The following EYS variants were observed in gnomAD, a reference collection of about 807,000 sequenced individuals.
The protein encoded by EYS is EGF-like photoreceptor maintenance factor.
A neutral mutation model predicts 282.1 loss-of-function variants in EYS; 250 were observed. The ratio of observed to expected loss-of-function variants is 0.89; its 90% CI spans 0.80 to 0.98. The LOEUF is 0.98. EYS is among the 50% of genes least tolerant of loss of function. EYS has a pLI of 0.00. For synonymous variants in EYS, 1,355 were observed against 1,282.9 expected, an observed-to-expected ratio of 1.06 and a Z score of -1.20; for missense variants, 4,016 against 3,709.0, an observed-to-expected ratio of 1.08 and a Z score of -2.15.
chr6:64,584,341 C>T (rs1222767359), intron 26 of EYS, among the ~76,000 whole-genome samples: 1 of 151,588 alleles, frequency 6.6e-6, no homozygotes, highest in Non-Finnish European at 1.5e-5. Flanking sequence ...AAACAATTTT[C>T]CATGTCAGTA....
Position 63,778,018 on chromosome 6 carries a change from C to T in EYS, c.7886G>A (p.Gly2629Glu). Residue 2629 changes from glycine (G) to glutamate (E), a missense_variant, in exon 40 of 43, where the codon GGA (glycine) becomes GAA (glutamate). Transcript: ENST00000503581. ...CGNGGTCIES[G>E]TSVYCNCTTG... ...ACGTCATACTTACTAAACACTAGTT[C>T]CACTCTCTATGCATGTCCCACCATT... is the stretch of plus-strand genomic sequence containing the variant. 6.4e-7 allele frequency: 1 copy of T among 1,551,590 alleles called. No individual in the cohort carries two copies. The highest frequency in any genetic ancestry group is 8.7e-7 in the Non-Finnish European group (1 of 1,146,896).
intron 29 of EYS, among the ~76,000 whole-genome samples, chr6:64,321,903 C>T (rs1335147205): frequency 6.6e-6 from 1 of 151,898 alleles, no homozygotes; most frequent in African/African-American, 2.4e-5. Context: ...CTTTAGTTCA[C>T]AAAATTTGGT....
chr6:64,820,726 G>A (rs1764873959), intron 21 of EYS, among the ~76,000 whole-genome samples: 2 of 152,020 alleles, frequency 1.3e-5, no homozygotes, highest in African/African-American at 4.8e-5. Context: ...TGTAAATTGA[G>A]AACACACAGT....
chr6:65,673,316 C>T (rs926121083), intron 1 of EYS, among the ~76,000 whole-genome samples: 6 of 151,598 alleles, frequency 4.0e-5, no homozygotes, highest in Non-Finnish European at 5.9e-5. Context: ...GAGATTAAGC[C>T]GAAGGAAGAT....
In EYS at chr6:65,118,225, C is replaced by A. The variant is rs144013349; in HGVS notation, c.2024-60498G>T. Among the ~76,000 whole-genome samples the A allele has an allele frequency of 2.0e-3, 297 of 152,136 alleles. 1 individual carries two copies. The highest frequency in any genetic ancestry group is 6.6e-3 in the African/African-American group (274 of 41,520). On this transcript the variant is annotated intron_variant, in intron 12 of 42. Transcript: ENST00000503581. ...TCTAGTGAAACTGAAGTGTTCTGAG[C>A]CTGAGAAGAATTGTATGAAATGATG...
intron 35 of EYS, among the ~76,000 whole-genome samples, chr6:63,909,115 A>G (rs1773854917): frequency 6.6e-6 from 1 of 152,204 alleles, no homozygotes; most frequent in Admixed American, 6.5e-5. Context: ...ATATGCGAAG[A>G]TGAGAAATTT....
At chr6:64,039,690 A>C (rs1230610385) in intron 33 of EYS, among the ~76,000 whole-genome samples, 1 of 152,190 alleles carries the variant, frequency 6.6e-6, no homozygotes, top group Non-Finnish European at 1.5e-5. Context: ...GTTTCCATGA[A>C]ATTTATTTAT....
At chr6:64,740,294 A>T (rs1244649585) in intron 22 of EYS, among the ~76,000 whole-genome samples, 2 of 152,214 alleles carry the variant, frequency 1.3e-5, no homozygotes, top group African/African-American at 4.8e-5. Context: ...TTATAAAAAA[A>T]ATATGAGAAT....
At chr6:64,602,419 T>C (rs1766790137) in intron 24 of EYS, among the ~76,000 whole-genome samples, 1 of 151,812 alleles carries the variant, frequency 6.6e-6, no homozygotes, top group South Asian at 2.1e-4. Flanking sequence ...AATATGAGAG[T>C]TCAATAGGCA....
intron 33 of EYS, among the ~76,000 whole-genome samples, chr6:64,029,223 G>A (rs1040885251): frequency 5.9e-5 from 9 of 152,272 alleles, no homozygotes; most frequent in South Asian, 2.1e-4. Context: ...AGAGAGAGCC[G>A]GGATAGCTCT....
chr6:64,012,245 A>G (rs1365925064), intron 33 of EYS, among the ~76,000 whole-genome samples: 1 of 152,224 alleles, frequency 6.6e-6, no homozygotes, highest in Non-Finnish European at 1.5e-5. Flanking sequence ...TGAATTAAGC[A>G]TTAACTCAGA....
chr6:65,020,119 C>T (rs1192855329), intron 13 of EYS, among the ~76,000 whole-genome samples: 1 of 151,978 alleles, frequency 6.6e-6, no homozygotes, highest in Non-Finnish European at 1.5e-5. Context: ...GTCATTCTAC[C>T]CTGGCCCCTC....
At chr6:63,859,641 GA>G (rs199714551) in intron 36 of EYS, among the ~76,000 whole-genome samples, 999 of 94,282 alleles carry the variant, frequency 0.011, 6 homozygotes, top group South Asian at 0.033. Context: ...ACTGCCACCA[GA>G]AAAAAAAAAA....
chr6:65,019,837 G>T (rs1294956675), intron 13 of EYS, among the ~76,000 whole-genome samples: 2 of 152,136 alleles, frequency 1.3e-5, no homozygotes, highest in Non-Finnish European at 2.9e-5. Flanking sequence ...GTTCAACGTG[G>T]CTGGGGAGGC....
At chr6:64,138,214 T>C (rs183627911) in intron 31 of EYS, among the ~76,000 whole-genome samples, 3 of 152,232 alleles carry the variant, frequency 2.0e-5, no homozygotes, top group East Asian at 3.9e-4. Flanking sequence ...CGAGGAAGGG[T>C]TGACATTAGA....
chr6:65,560,133 G>A (rs941079129), intron 2 of EYS, among the ~76,000 whole-genome samples: 2 of 147,754 alleles, frequency 1.4e-5, no homozygotes, highest in Non-Finnish European at 3.0e-5. Flanking sequence ...ATACTAAGAT[G>A]CTAATATTCA....
At chr6:63,811,821 ACT>A (rs1562037998) in intron 36 of EYS, among the ~76,000 whole-genome samples, 1 of 152,154 alleles carries the variant, frequency 6.6e-6, no homozygotes, top group African/African-American at 2.4e-5. Context: ...TCAGAGCAAA[ACT>A]AGGCATCATC....
chr6:65,470,092 G>A (rs902704659), intron 5 of EYS, among the ~76,000 whole-genome samples: 2 of 152,078 alleles, frequency 1.3e-5, no homozygotes, highest in African/African-American at 2.4e-5. Context: ...TACTTTAAAG[G>A]ACCGATAGCA....
rs767955491 is a variant in EYS, at chr6:63,726,574, A to C, written c.8178T>G (p.Pro2726=). Residue 2726 remains proline, a synonymous_variant, in exon 42 of 43, where the codon CCT becomes CCG. Transcript: ENST00000503581. ...KKTHIQLQFQ[P]LAADGILFYA... is the part of the protein sequence containing the mutation. ...AAAATAGGATACCATCTGCAGCGAG[A>C]GGCTGAAACTGCAATTGAATATGTG... is the stretch of plus-strand genomic sequence containing the variant. The C allele has an allele frequency of 1.9e-6, 3 of 1,551,404 alleles. No individual in the cohort carries two copies. The highest frequency in any genetic ancestry group is 2.6e-6 in the Non-Finnish European group (3 of 1,146,796).
Sources: gnomAD v4.1 joint callset for allele counts (sites outside exome capture counted in the v4.1 genomes callset) on GRCh38, gnomAD v4.1.1 for gene constraint, MANE v1.5 for transcripts, NCBI Gene and HGNC (gene_info 2026-07-23, HGNC 2026-07-21) for gene names.